CHODL: variants seen among roughly 807,000 people sequenced by gnomAD.
The protein encoded by CHODL is chondrolectin, also known as transmembrane protein MT75.
CHODL carries 29 observed loss-of-function variants against 34.5 expected under a neutral mutation model. The ratio of observed to expected loss-of-function variants is 0.84; its 90% CI spans 0.63 to 1.15. The LOEUF (loss-of-function observed/expected upper bound fraction) is 1.15. Ranked by LOEUF, CHODL falls within the 50% of genes most tolerant of loss-of-function variation. The pLI is 0.00. For synonymous variants in CHODL, 125 were observed against 116.1 expected (o/e 1.08, Z -0.49); for missense variants, 332 against 332.5 (o/e 1.00, Z 0.01).
At chr21:18,145,649 A>T (rs7277730) in intron 2 of CHODL, among the ~76,000 whole-genome samples, 12,262 of 152,176 alleles carry the variant, frequency 0.081, 632 homozygotes, top group Middle Eastern at 0.19. Flanking sequence ...ATATCCTGTC[A>T]AGTGTTTATG....
chr21:17,956,300 C>T (rs1241689263), intron 1 of CHODL, among the ~76,000 whole-genome samples: 1 of 134,936 alleles, frequency 7.4e-6, no homozygotes, highest in Admixed American at 7.3e-5. Context: ...CATGCTTCTC[C>T]TGCCATGACA....
At chr21:18,114,757 G>C (rs959187645) in intron 2 of CHODL, 1 of 152,360 alleles carries the variant, frequency 6.6e-6, no homozygotes, top group South Asian at 2.1e-4. Context: ...TTAAACAAGT[G>C]ATTTCTTACC....
chr21:17,939,132 T>C (rs1406399023), intron 1 of CHODL, among the ~76,000 whole-genome samples: 3 of 152,242 alleles, frequency 2.0e-5, no homozygotes, highest in Admixed American at 1.3e-4. Context: ...TCTAAGTGTA[T>C]AATACATTAT....
In CHODL at chr21:18,260,222, A is replaced by C; in HGVS notation, c.570A>C (p.Val190=). 6.3e-7 allele frequency: 1 copy of C among 1,577,404 alleles called. No homozygotes were observed. Among genetic ancestry groups the C allele is most frequent in the Non-Finnish European group, 8.6e-7 (1 of 1,164,334 alleles). ...YEPEINPTAP[V]EKPYLTNQPG... is the part of the protein sequence containing the mutation. ...CAGAGATTAATCCAACAGCCCCTGTAGAAAAGCCTTATCTTACAAATCAAC... is the reference window on the plus strand; with the variant it reads ...CAGAGATTAATCCAACAGCCCCTGTCGAAAAGCCTTATCTTACAAATCAAC... The change falls in exon 4 of 6, where the codon GTA becomes GTC. Residue 190 remains valine, a synonymous_variant. Transcript: ENST00000299295.
chr21:18,265,259 G>A (rs1053269955), intron 5 of CHODL, among the ~76,000 whole-genome samples: 1 of 132,112 alleles, frequency 7.6e-6, no homozygotes, highest in Admixed American at 7.4e-5. Context: ...GTATATATAT[G>A]TGTATATATA....
chr21:18,259,670 G>T (rs901570303), intron 3 of CHODL, among the ~76,000 whole-genome samples: 1 of 152,172 alleles, frequency 6.6e-6, no homozygotes, highest in Non-Finnish European at 1.5e-5. Context: ...TCTAAGGATG[G>T]CATTGTATAT....
At chr21:18,086,751 G>T (rs1476915456) in intron 2 of CHODL, among the ~76,000 whole-genome samples, 1 of 152,192 alleles carries the variant, frequency 6.6e-6, no homozygotes, top group Non-Finnish European at 1.5e-5. Flanking sequence ...GGGCAAATGT[G>T]TCTGTTTTTC....
At chr21:18,022,285 G>C (rs775833132) in intron 1 of CHODL, 1 of 152,084 alleles carries the variant, frequency 6.6e-6, no homozygotes, top group Non-Finnish European at 1.5e-5. Context: ...CTTGGCCTGT[G>C]GTTGCATCAC....
At chr21:18,173,046 T>C (rs1252825417) in intron 2 of CHODL, among the ~76,000 whole-genome samples, 2 of 152,196 alleles carry the variant, frequency 1.3e-5, no homozygotes, top group Non-Finnish European at 2.9e-5. Flanking sequence ...GTTAAGAACA[T>C]GGCTGCTTGC....
At chr21:18,261,158 A>G (rs759439105) in intron 4 of CHODL, among the ~76,000 whole-genome samples, 1 of 152,208 alleles carries the variant, frequency 6.6e-6, no homozygotes, top group Non-Finnish European at 1.5e-5. Context: ...AATTATTCAG[A>G]TTAGTCATGA....
At chr21:18,213,643 A>G (rs758247420) in intron 2 of CHODL, among the ~76,000 whole-genome samples, 25 of 152,102 alleles carry the variant, frequency 1.6e-4, no homozygotes, top group Non-Finnish European at 2.8e-4. Flanking sequence ...TTGAACAAGG[A>G]TGGAGAAAAT....
At chr21:18,021,896 CCT>C (rs2064131144) in intron 1 of CHODL, among the ~76,000 whole-genome samples, 1 of 152,276 alleles carries the variant, frequency 6.6e-6, no homozygotes, top group Admixed American at 6.5e-5. Context: ...ATATTTGTGT[CCT>C]CTCCACCTTA....
chr21:18,177,776 T>C (rs138544474), intron 2 of CHODL, among the ~76,000 whole-genome samples: 39 of 152,294 alleles, frequency 2.6e-4, no homozygotes, highest in Non-Finnish European at 4.9e-4. Flanking sequence ...TTATTTAAGA[T>C]ACACTTTGAA....
At chr21:18,185,941 A>T (rs2073435810) in intron 2 of CHODL, among the ~76,000 whole-genome samples, 1 of 152,126 alleles carries the variant, frequency 6.6e-6, no homozygotes, top group Non-Finnish European at 1.5e-5. Context: ...CAAAGGTCCC[A>T]CCTTCTAATA....
intron 2 of CHODL, among the ~76,000 whole-genome samples, chr21:18,212,108 C>T (rs1383760007): frequency 6.6e-6 from 1 of 152,032 alleles, no homozygotes; most frequent in African/African-American, 2.4e-5. Flanking sequence ...TTGAGTCTTT[C>T]TTTTTGCTAT....
At chr21:17,958,115 T>G (rs1318380161) in intron 1 of CHODL, among the ~76,000 whole-genome samples, 1 of 152,142 alleles carries the variant, frequency 6.6e-6, no homozygotes, top group African/African-American at 2.4e-5. Flanking sequence ...TTAGGCACAT[T>G]TCCTGTCATT....
At chr21:18,131,172 GAAAACAA>G (rs1322731847) in intron 2 of CHODL, among the ~76,000 whole-genome samples, 1 of 151,938 alleles carries the variant, frequency 6.6e-6, no homozygotes, top group African/African-American at 2.4e-5. Flanking sequence ...GAGAGAGATT[GAAAACAA>G]TCTCTCTGGT....
chr21:17,925,503 C>A (rs928337168), intron 1 of CHODL, among the ~76,000 whole-genome samples: 14 of 152,224 alleles, frequency 9.2e-5, no homozygotes, highest in African/African-American at 3.1e-4. Context: ...TGACCTTTGG[C>A]ATTATTCATA....
chr21:18,029,313 C>G (rs2064220331), intron 2 of CHODL, among the ~76,000 whole-genome samples: 1 of 152,080 alleles, frequency 6.6e-6, no homozygotes, highest in African/African-American at 2.4e-5. Context: ...GCATTAGAAT[C>G]ACACCTTGCT....
Sources: allele counts gnomAD v4.1 joint callset (sites outside exome capture counted in the v4.1 genomes callset), GRCh38; gene constraint gnomAD v4.1.1; transcripts MANE v1.5; gene names NCBI Gene and HGNC (gene_info 2026-07-23, HGNC 2026-07-21).